HECW2: variants seen among roughly 807,000 people sequenced by gnomAD.
The protein encoded by HECW2 is E3 ubiquitin-protein ligase HECW2.
A neutral mutation model predicts 175.2 loss-of-function variants in HECW2; 61 were observed. That is an observed-to-expected ratio of 0.35 (90% confidence interval 0.28 to 0.43). The LOEUF is 0.43. Ranked by LOEUF, HECW2 falls within the 20% of genes least tolerant of loss-of-function variation. The pLI, the probability that HECW2 is intolerant of heterozygous loss-of-function variation, is 1.00. For missense variants in HECW2, 1,524 were observed against 2,000.5 expected (o/e 0.76, Z 4.54); for synonymous variants, 671 against 731.0 (o/e 0.92, Z 1.32).
intron 1 of HECW2, among the ~76,000 whole-genome samples, chr2:196,521,354 T>A (rs572645161): frequency 6.7e-6 from 1 of 149,412 alleles, no homozygotes; most frequent in East Asian, 2.0e-4. Flanking sequence ...CCTAATTTTA[T>A]ACAGAAAATT....
At chr2:196,320,713 C>G (rs190672655) in intron 7 of HECW2, among the ~76,000 whole-genome samples, 1 of 152,256 alleles carries the variant, frequency 6.6e-6, no homozygotes, top group Non-Finnish European at 1.5e-5. Context: ...TTTTTAAGGA[C>G]ACTGATTCAC....
rs762507251 is a variant in HECW2 at position 196,199,853 on chromosome 2, CTT to C, written c.*1422_*1423del. 2 of 152,204 alleles carry C rather than the reference CTT, an allele frequency of 1.3e-5. No individual in the cohort carries two copies. The highest frequency in any genetic ancestry group is 1.9e-4 in the East Asian group (1 of 5,192). 9.4% of individuals were successfully genotyped at this position (152,204 alleles called of 1,614,324 possible). ...TGGAGATGCCATAGAAAAACTGTCTCTTAATATTAATAAGAAAATTATGCATC... is the reference window on the plus strand; with the variant it reads ...TGGAGATGCCATAGAAAAACTGTCTCAATATTAATAAGAAAATTATGCATC... On this transcript the variant is annotated 3_prime_UTR_variant, in exon 29 of 29. Transcript: ENST00000644978.
chr2:196,523,904 G>C (rs537630498), intron 1 of HECW2, among the ~76,000 whole-genome samples: 16 of 152,268 alleles, frequency 1.1e-4, no homozygotes, highest in African/African-American at 3.9e-4. Context: ...ATTTCTGCAT[G>C]AATGTTCATC....
At chr2:196,554,704 C>T (rs1267729573) in intron 1 of HECW2, among the ~76,000 whole-genome samples, 1 of 152,222 alleles carries the variant, frequency 6.6e-6, no homozygotes, top group Non-Finnish European at 1.5e-5. Flanking sequence ...TCCAATTCCA[C>T]TTTAATTTCC....
intron 2 of HECW2, among the ~76,000 whole-genome samples, chr2:196,347,991 T>G (rs1459482394): frequency 4.6e-5 from 7 of 152,242 alleles, no homozygotes. Flanking sequence ...GCTACTACAA[T>G]CTCTACAACT....
In HECW2 at chr2:196,436,750, T is replaced by TG. The variant is rs924662545; in HGVS notation, c.-35-3293_-35-3292insC. Among the ~76,000 whole-genome samples the TG allele has an allele frequency of 2.6e-5, 4 of 150,950 alleles. No individual in the cohort carries two copies. In the South Asian group the frequency reaches 6.3e-4, roughly 24 times the overall value. ...TGCTAAATAGTAAAAAGAGTAAGGTTTTTTTTTTTTTCAATTTCTTTCTTT... is the reference window on the plus strand; with the variant it reads ...TGCTAAATAGTAAAAAGAGTAAGGTTGTTTTTTTTTTTCAATTTCTTTCTTT... On this transcript the variant is annotated intron_variant, in intron 1 of 28. Coordinates refer to ENST00000644978, the MANE Select transcript of HECW2 (RefSeq NM_001348768.2).
At chr2:196,537,741 T>C (rs1268606673) in intron 1 of HECW2, among the ~76,000 whole-genome samples, 1 of 152,212 alleles carries the variant, frequency 6.6e-6, no homozygotes, top group African/African-American at 2.4e-5. Flanking sequence ...AGACCCAGAC[T>C]TGGGAGTGTC....
chr2:196,506,804 C>A (rs1328490562), intron 1 of HECW2, among the ~76,000 whole-genome samples: 1 of 152,024 alleles, frequency 6.6e-6, no homozygotes, highest in East Asian at 1.9e-4. Context: ...CACATACTAC[C>A]TGAGAGTAGT....
chr2:196,268,790 C>T (rs1689616702), intron 17 of HECW2, among the ~76,000 whole-genome samples: 5 of 152,086 alleles, frequency 3.3e-5, no homozygotes. Flanking sequence ...ATAGAGTTCC[C>T]TTTATTTTGT....
At chr2:196,522,979 A>G (rs1688467925) in intron 1 of HECW2, among the ~76,000 whole-genome samples, 2 of 151,942 alleles carry the variant, frequency 1.3e-5, no homozygotes. Context: ...TTGGTTCCAT[A>G]TGAACTTTAA....
chr2:196,499,773 C>T (rs1015994631), intron 1 of HECW2, among the ~76,000 whole-genome samples: 3 of 152,166 alleles, frequency 2.0e-5, no homozygotes, highest in Non-Finnish European at 4.4e-5. Context: ...TTACTATAAA[C>T]TAAACATTGA....
At chr2:196,213,109 G>A (rs1687349222) in intron 28 of HECW2, among the ~76,000 whole-genome samples, 1 of 152,268 alleles carries the variant, frequency 6.6e-6, no homozygotes, top group African/African-American at 2.4e-5. Flanking sequence ...CCTAAGTAAT[G>A]CCCCACATTT....
chr2:196,395,474 T>C (rs1025927246), intron 2 of HECW2, among the ~76,000 whole-genome samples: 3 of 152,152 alleles, frequency 2.0e-5, no homozygotes, highest in Non-Finnish European at 4.4e-5. Context: ...GATAAGAGAT[T>C]GATATCCAGA....
chr2:196,403,076 G>A (rs1694866293), intron 2 of HECW2, among the ~76,000 whole-genome samples: 1 of 152,174 alleles, frequency 6.6e-6, no homozygotes. Context: ...CAAGTGCTGG[G>A]ATTATAGGCA....
chr2:196,216,704 G>T (rs995889667), intron 27 of HECW2, among the ~76,000 whole-genome samples: 2 of 152,202 alleles, frequency 1.3e-5, no homozygotes, highest in East Asian at 1.9e-4. Context: ...TGCACTTTGG[G>T]TACCCTGGGT....
At chr2:196,292,927 A>G (rs1223915821) in intron 13 of HECW2, among the ~76,000 whole-genome samples, 177 bp from the exon 14 acceptor site, 1 of 152,236 alleles carries the variant, frequency 6.6e-6, no homozygotes, top group African/African-American at 2.4e-5. Flanking sequence ...CTTGAACAAA[A>G]TGAAACATAA....
intron 18 of HECW2, among the ~76,000 whole-genome samples, chr2:196,255,750 A>G (rs1689030405): frequency 6.6e-6 from 1 of 152,192 alleles, no homozygotes; most frequent in Admixed American, 6.5e-5. Context: ...GTAGTCACCA[A>G]TTCAAATCAT....
intron 2 of HECW2, among the ~76,000 whole-genome samples, chr2:196,374,380 G>A (rs1693992071): frequency 6.6e-6 from 1 of 152,214 alleles, no homozygotes; most frequent in African/African-American, 2.4e-5. Context: ...GTTCATAGTA[G>A]TTATAGCTTG....
intron 28 of HECW2, among the ~76,000 whole-genome samples, chr2:196,207,860 C>T (rs1473799835): frequency 6.6e-6 from 1 of 152,182 alleles, no homozygotes; most frequent in Non-Finnish European, 1.5e-5. Flanking sequence ...GGAATATTCC[C>T]ATAGGGGGGA....
Sources: allele counts gnomAD v4.1 joint callset (sites outside exome capture counted in the v4.1 genomes callset), GRCh38; gene constraint gnomAD v4.1.1; transcripts MANE v1.5; gene names NCBI Gene and HGNC (gene_info 2026-07-23, HGNC 2026-07-21).